RAD51B: variants seen among roughly 807,000 people sequenced by gnomAD.
RAD51B encodes the protein RAD51 paralog B.
A neutral mutation model predicts 42.2 loss-of-function variants in RAD51B; 38 were observed. The ratio of observed to expected loss-of-function variants is 0.90; its 90% CI spans 0.70 to 1.18. The LOEUF (loss-of-function observed/expected upper bound fraction) is 1.18. Among genes scored for constraint, RAD51B ranks in the 50% most tolerant of loss-of-function variants. The pLI is 0.00. For missense variants in RAD51B, 373 were observed against 400.7 expected, an observed-to-expected ratio of 0.93 and a Z score of 0.59; for synonymous variants, 154 against 145.2, an observed-to-expected ratio of 1.06 and a Z score of -0.43.
intron 8 of RAD51B, among the ~76,000 whole-genome samples, chr14:68,299,007 T>G (rs7151629): frequency 0.69 from 104,705 of 151,624 alleles, 36,365 homozygotes; most frequent in Admixed American, 0.75. Context: ...TCCAGTTGAG[T>G]TCCGAACTAG....
intron 7 of RAD51B, among the ~76,000 whole-genome samples, chr14:67,970,299 T>C (rs1206840985): frequency 6.6e-6 from 1 of 152,158 alleles, no homozygotes; most frequent in East Asian, 1.9e-4. Flanking sequence ...CTACCCAGCA[T>C]AGGTCATTTG....
chr14:68,066,974 A>G (rs1432592046), intron 7 of RAD51B, among the ~76,000 whole-genome samples: 3 of 152,122 alleles, frequency 2.0e-5, no homozygotes, highest in Non-Finnish European at 4.4e-5. Context: ...ACAAAATGGG[A>G]AAAAATGGAA....
In RAD51B at chr14:68,521,249, G is replaced by A. The variant is rs1453791989; in HGVS notation, c.1036+52999G>A. Among the ~76,000 whole-genome samples, 3 of 152,124 alleles carry A rather than the reference G, an allele frequency of 2.0e-5. No homozygotes were observed. The East Asian group carries it at 5.8e-4, about 29-fold the overall frequency. ...CATTTACAAAGGGTATTTTATGAGT[G>A]GGCAACGTGAAAGTACCAACATCAG... On this transcript the variant is annotated intron_variant, in intron 10 of 10. Transcript: ENST00000487270.
intron 10 of RAD51B, among the ~76,000 whole-genome samples, chr14:68,601,697 C>T (rs1891225612): frequency 6.6e-6 from 1 of 152,114 alleles, no homozygotes; most frequent in Non-Finnish European, 1.5e-5. Context: ...TTTCTATATA[C>T]TCATAGTAGG....
chr14:68,494,128 A>G (rs1884306192), intron 10 of RAD51B, among the ~76,000 whole-genome samples: 1 of 152,092 alleles, frequency 6.6e-6, no homozygotes, highest in Non-Finnish European at 1.5e-5. Flanking sequence ...ATACAAAAAA[A>G]AATTATCTGG....
chr14:68,174,048 C>A (rs906436295), intron 7 of RAD51B, among the ~76,000 whole-genome samples: 8 of 152,194 alleles, frequency 5.3e-5, no homozygotes, highest in Admixed American at 5.2e-4. Flanking sequence ...AGGTGATTAG[C>A]ATTTGCCTAT....
intron 7 of RAD51B, among the ~76,000 whole-genome samples, chr14:68,130,477 T>A (rs958972979): frequency 1.3e-5 from 2 of 152,210 alleles, no homozygotes; most frequent in East Asian, 3.8e-4. Context: ...CAGCCCTCCC[T>A]TTTAGGAATC....
At chr14:68,135,101 T>G (rs979869785) in intron 7 of RAD51B, among the ~76,000 whole-genome samples, 1 of 152,180 alleles carries the variant, frequency 6.6e-6, no homozygotes, top group Non-Finnish European at 1.5e-5. Context: ...TTAAGATGAG[T>G]AAAACCATTG....
intron 5 of RAD51B, among the ~76,000 whole-genome samples, chr14:67,880,918 G>A (rs1400986491): frequency 6.6e-6 from 1 of 152,098 alleles, no homozygotes; most frequent in Non-Finnish European, 1.5e-5. Context: ...CTTAACAATT[G>A]GGATATGTTC....
intron 8 of RAD51B, among the ~76,000 whole-genome samples, chr14:68,325,532 T>A (rs958412114): frequency 6.6e-6 from 1 of 152,144 alleles, no homozygotes; most frequent in Non-Finnish European, 1.5e-5. Flanking sequence ...CGTCCTTGAC[T>A]TATCTTTTGG....
chr14:68,673,921 G>C (rs1893242310), intron 11 of RAD51B, among the ~76,000 whole-genome samples: 1 of 147,374 alleles, frequency 6.8e-6, no homozygotes. Context: ...ACACACATAT[G>C]TATATGTGCA....
chr14:68,368,095 G>A (rs1307650854), intron 8 of RAD51B, among the ~76,000 whole-genome samples: 1 of 152,108 alleles, frequency 6.6e-6, no homozygotes, highest in Non-Finnish European at 1.5e-5. Context: ...TTATTACTAG[G>A]GAAATATTGC....
intron 8 of RAD51B, among the ~76,000 whole-genome samples, chr14:68,401,204 A>G (rs910813569): frequency 2.0e-5 from 3 of 152,196 alleles, no homozygotes; most frequent in Non-Finnish European, 4.4e-5. Flanking sequence ...TCTGTAGGAT[A>G]ACATATGTCT....
At chr14:68,051,598 AT>A (rs771660756) in intron 7 of RAD51B, among the ~76,000 whole-genome samples, 3,185 of 145,742 alleles carry the variant, frequency 0.022, 54 homozygotes, top group African/African-American at 0.044. Flanking sequence ...TGTTAATCTA[AT>A]TTTTTTTTTT....
intron 11 of RAD51B, among the ~76,000 whole-genome samples, chr14:68,671,278 A>G (rs566680486): frequency 6.6e-6 from 1 of 152,336 alleles, no homozygotes; most frequent in South Asian, 2.1e-4. Context: ...TAGACAAGCC[A>G]CTGCTGGCAA....
At chr14:68,086,181 G>A (rs1336484838) in intron 7 of RAD51B, among the ~76,000 whole-genome samples, 1 of 152,206 alleles carries the variant, frequency 6.6e-6, no homozygotes, top group Non-Finnish European at 1.5e-5. Context: ...GAATGGAGTG[G>A]GAAGTTTTTC....
At chr14:68,200,037 T>G (rs1345629706) in intron 7 of RAD51B, among the ~76,000 whole-genome samples, 3 of 152,212 alleles carry the variant, frequency 2.0e-5, no homozygotes, top group Non-Finnish European at 4.4e-5. Flanking sequence ...TGCTTTTTCT[T>G]TTTTTCATTT....
chr14:68,435,063 G>A (rs2085112538), intron 9 of RAD51B, among the ~76,000 whole-genome samples: 1 of 152,124 alleles, frequency 6.6e-6, no homozygotes, highest in Admixed American at 6.5e-5. Flanking sequence ...GAACATATGT[G>A]CAGGTTTGTT....
rs142438814 is a variant in RAD51B, at chr14:67,859,883, C to T, written c.316-5120C>T. On this transcript the variant is annotated intron_variant, in intron 4 of 10. Transcript: ENST00000471583. ...TTGCCCAGGCTGGAGTGCAATGACGCGATCTCGGCTCACTGCAACCTCCAC... is the reference window on the plus strand; with the variant it reads ...TTGCCCAGGCTGGAGTGCAATGACGTGATCTCGGCTCACTGCAACCTCCAC... 9.0e-3 allele frequency among the ~76,000 whole-genome samples: 1,372 copies of T among 152,112 alleles called. 22 individuals are homozygous for T. The highest frequency in any genetic ancestry group is 0.031 in the African/African-American group (1,295 of 41,486).
Sources: gnomAD v4.1 joint callset for allele counts (sites outside exome capture counted in the v4.1 genomes callset) on GRCh38, gnomAD v4.1.1 for gene constraint, MANE v1.5 for transcripts, NCBI Gene and HGNC (gene_info 2026-07-23, HGNC 2026-07-21) for gene names.